The following NBDY variants were observed in gnomAD, a reference collection of about 807,000 sequenced individuals.
NBDY encodes P-body dissociating protein.
intron 1 of NBDY, among the ~76,000 whole-genome samples, chrX:56,731,417 A>T (rs926468333): frequency 9.4e-6 from 1 of 106,643 alleles, no homozygotes; most frequent in African/African-American, 3.4e-5. Flanking sequence ...AAAAAAAAAA[A>T]AAAAATAGCC....
chrX:56,753,750 G>A (rs1164580740), intron 2 of NBDY, among the ~76,000 whole-genome samples: 1 of 110,715 alleles, frequency 9.0e-6, no homozygotes, highest in Non-Finnish European at 1.9e-5. Flanking sequence ...ATTTTTATAA[G>A]AGAAGGATTT....
At chrX:56,757,263 T>C (rs2069615917) in intron 2 of NBDY, among the ~76,000 whole-genome samples, 1 of 112,226 alleles carries the variant, frequency 8.9e-6, no homozygotes, top group East Asian at 2.8e-4. Context: ...GAAGTGCATC[T>C]TGTACTCTGC....
chrX:56,807,306 T>G (rs2069857091), intron 2 of NBDY, among the ~76,000 whole-genome samples: 1 of 112,239 alleles, frequency 8.9e-6, no homozygotes. Flanking sequence ...GGCTCTTTTT[T>G]GGTTCCATTT....
chrX:56,735,589 C>T (rs1290975236), intron 2 of NBDY, among the ~76,000 whole-genome samples: 2 of 111,854 alleles, frequency 1.8e-5, no homozygotes, highest in African/African-American at 6.5e-5. Context: ...ACCCACCCGG[C>T]TCCCTACACA....
At chrX:56,762,510 A>G (rs2069642942) in intron 2 of NBDY, among the ~76,000 whole-genome samples, 1 of 111,465 alleles carries the variant, frequency 9.0e-6, no homozygotes, top group Non-Finnish European at 1.9e-5. Context: ...TCACATGTTC[A>G]GTTCCTCTGG....
chrX:56,755,742 A>C (rs978256391), intron 2 of NBDY, among the ~76,000 whole-genome samples: 1 of 109,718 alleles, frequency 9.1e-6, no homozygotes, highest in African/African-American at 3.3e-5. Flanking sequence ...GTGATTCCTC[A>C]GGGATCTAGA....
chrX:56,764,456 A>AATGCC (rs1301823439), intron 2 of NBDY, among the ~76,000 whole-genome samples: 10 of 110,941 alleles, frequency 9.0e-5, no homozygotes, highest in African/African-American at 2.3e-4. Flanking sequence ...AAAGCGTCCC[A>AATGCC]ATGCCAGGTA....
intron 2 of NBDY, among the ~76,000 whole-genome samples, chrX:56,802,759 C>A (rs1040496494): frequency 8.9e-6 from 1 of 112,648 alleles, no homozygotes; most frequent in Admixed American, 9.3e-5. Flanking sequence ...TTCTATTTTT[C>A]TGCATGAGCA....
intron 2 of NBDY, among the ~76,000 whole-genome samples, chrX:56,792,354 CTT>C (rs756646122): frequency 1.8e-5 from 2 of 111,037 alleles, no homozygotes; most frequent in African/African-American, 6.6e-5. Flanking sequence ...TCCTCTGTCT[CTT>C]TTTTTTCCAG....
intron 2 of NBDY, among the ~76,000 whole-genome samples, chrX:56,792,981 T>TG (rs1202055926): frequency 2.7e-5 from 3 of 111,750 alleles, no homozygotes; most frequent in African/African-American, 9.8e-5. Context: ...CATGAGAATC[T>TG]GTGGCACGTG....
chrX:56,806,277 CAT>C (rs1446089779), intron 2 of NBDY, among the ~76,000 whole-genome samples: 2 of 112,001 alleles, frequency 1.8e-5, no homozygotes, highest in African/African-American at 3.3e-5. Context: ...CCGCAGTAAA[CAT>C]ATGTGTGCAT....
intron 2 of NBDY, among the ~76,000 whole-genome samples, chrX:56,741,362 GTGGGATTGC>G (rs2069531806): frequency 9.0e-6 from 1 of 111,710 alleles, no homozygotes; most frequent in Non-Finnish European, 1.9e-5. Flanking sequence ...ATACCCAGCA[GTGGGATTGC>G]TGGGTCATAT....
chrX:56,813,489 C>T (rs181270963), intron 2 of NBDY, among the ~76,000 whole-genome samples: 5 of 111,199 alleles, frequency 4.5e-5, no homozygotes, highest in South Asian at 3.9e-4. Flanking sequence ...CACCCACACA[C>T]GCACTCAGAA....
At chrX:56,817,133 A>G (rs895944062) in intron 2 of NBDY, among the ~76,000 whole-genome samples, 187 bp from the exon 3 acceptor site, 5 of 111,900 alleles carry the variant, frequency 4.5e-5, no homozygotes, top group African/African-American at 1.6e-4. Context: ...AAAAAGATGC[A>G]GGTTATTGAC....
chrX:56,810,505 C>T (rs1462872605), intron 2 of NBDY, among the ~76,000 whole-genome samples: 2 of 109,746 alleles, frequency 1.8e-5, no homozygotes, highest in Non-Finnish European at 3.8e-5. Context: ...AGTTGATCTT[C>T]AATCTCTGAT....
intron 2 of NBDY, among the ~76,000 whole-genome samples, chrX:56,805,772 C>A (rs1232675514): frequency 2.7e-5 from 3 of 112,011 alleles, no homozygotes; most frequent in African/African-American, 9.7e-5. Context: ...TCACTCTCAT[C>A]CTCATTGCTC....
At chrX:56,733,179 CTTA>C (rs2069468811) in intron 2 of NBDY, among the ~76,000 whole-genome samples, 1 of 109,133 alleles carries the variant, frequency 9.2e-6, no homozygotes, top group Non-Finnish European at 1.9e-5. Context: ...TTAAATTTCT[CTTA>C]TGATTTTTTT....
chrX:56,796,036 T>C (rs942741517), intron 2 of NBDY, among the ~76,000 whole-genome samples: 2 of 111,918 alleles, frequency 1.8e-5, no homozygotes, highest in African/African-American at 3.3e-5. Context: ...CATTCACACC[T>C]GTGTCTGGTC....
intron 2 of NBDY, among the ~76,000 whole-genome samples, chrX:56,807,926 CATTCAGTATGAT>C (rs1449439624): frequency 8.9e-6 from 1 of 111,937 alleles, no homozygotes; most frequent in Non-Finnish European, 1.9e-5. Context: ...AGTTTTTTCC[CATTCAGTATGAT>C]ATTGGCTGTG....
Sources: gnomAD v4.1 joint callset for allele counts (sites outside exome capture counted in the v4.1 genomes callset) on GRCh38, gnomAD v4.1.1 for gene constraint, MANE v1.5 for transcripts, NCBI Gene and HGNC (gene_info 2026-07-23, HGNC 2026-07-21) for gene names.